The following ZNF644 variants were observed in gnomAD, a reference collection of about 807,000 sequenced individuals.
The protein encoded by ZNF644 is zinc finger motif enhancer binding protein 2.
ZNF644 carries 20 observed loss-of-function variants against 108.0 expected under a neutral mutation model. The observed-to-expected ratio is 0.19, with a 90% CI of 0.13 to 0.27. ZNF644 has a LOEUF of 0.27. Among genes scored for constraint, ZNF644 ranks in the 10% least tolerant of loss-of-function variants. The pLI is 1.00. For synonymous variants in ZNF644, 542 were observed against 539.1 expected (o/e 1.01, Z -0.08); for missense variants, 1,338 against 1,548.9 (o/e 0.86, Z 2.29).
chr1:90,971,956 T>C (rs1382474236), intron 2 of ZNF644, among the ~76,000 whole-genome samples: 2 of 152,094 alleles, frequency 1.3e-5, no homozygotes, highest in Non-Finnish European at 2.9e-5. Context: ...AAGCATACAG[T>C]GTAAAGGCTG....
At chr1:90,987,207 A>G (rs533500693) in intron 1 of ZNF644, among the ~76,000 whole-genome samples, 5 of 150,824 alleles carry the variant, frequency 3.3e-5, no homozygotes, top group African/African-American at 1.2e-4. Context: ...ATAGAACTGA[A>G]GACAAGGAAA....
intron 2 of ZNF644, among the ~76,000 whole-genome samples, chr1:90,949,298 C>G (rs914589382): frequency 9.2e-5 from 14 of 151,832 alleles, no homozygotes; most frequent in Admixed American, 7.9e-4. Flanking sequence ...ACTGAAAGTG[C>G]TACTTCAAAG....
intron 2 of ZNF644, among the ~76,000 whole-genome samples, chr1:90,957,401 C>T (rs1653858397): frequency 6.6e-6 from 1 of 152,082 alleles, no homozygotes; most frequent in African/African-American, 2.4e-5. Flanking sequence ...CAAACTGAAA[C>T]CAACAGCATA....
At position 90,916,917 on chromosome 1, in the gene ZNF644, C is replaced by G; in HGVS notation, c.3865G>C (p.Val1289Leu). 1.2e-6 allele frequency: 2 copies of G among 1,614,150 alleles called. No individual in the cohort carries two copies. The highest frequency in any genetic ancestry group is 1.7e-6 in the Non-Finnish European group (2 of 1,180,032). The change falls in exon 6 of 6, where the codon GTA becomes CTA. Residue 1289 changes from valine (V) to leucine (L), a missense_variant. Around this residue, in one of 6 missense-constraint regions of ZNF644, gnomAD observed 34 missense variants for 78.6 expected, o/e 0.43. Coordinates refer to ENST00000337393, the MANE Select transcript of ZNF644 (RefSeq NM_201269.3). ...DWIKHLQRHI[V>L]NANLPRTGAG... Reference sequence around the variant, plus strand: ...CCAGTCCGTGGAAGATTAGCGTTTACAATATGTCGTTGTAAGTGCTTAATC... The same window carrying G: ...CCAGTCCGTGGAAGATTAGCGTTTAGAATATGTCGTTGTAAGTGCTTAATC...
intron 1 of ZNF644, among the ~76,000 whole-genome samples, chr1:90,999,784 A>C (rs1041156979): frequency 1.3e-5 from 2 of 152,246 alleles, no homozygotes; most frequent in African/African-American, 4.8e-5. Context: ...TGCTGTATTC[A>C]GAAGACCCAT....
At chr1:90,997,880 C>T (rs1019020878) in intron 1 of ZNF644, among the ~76,000 whole-genome samples, 11 of 152,194 alleles carry the variant, frequency 7.2e-5, no homozygotes, top group African/African-American at 2.4e-4. Flanking sequence ...TCTTAGCAAA[C>T]GGCACACCAG....
chr1:91,003,060 G>A (rs1659039517), intron 1 of ZNF644, among the ~76,000 whole-genome samples: 1 of 152,212 alleles, frequency 6.6e-6, no homozygotes, highest in Non-Finnish European at 1.5e-5. Context: ...TGGAGAAATA[G>A]GAATGCTTTT....
chr1:91,006,764 C>A (rs1659457087), intron 1 of ZNF644, among the ~76,000 whole-genome samples: 2 of 151,890 alleles, frequency 1.3e-5, no homozygotes, highest in African/African-American at 4.8e-5. Flanking sequence ...TCTCTTCACT[C>A]TTCTCCTGTA....
chr1:90,930,582 T>C (rs368521198), intron 4 of ZNF644, among the ~76,000 whole-genome samples: 5 of 152,198 alleles, frequency 3.3e-5, no homozygotes, highest in East Asian at 1.9e-4. Context: ...CAATCTATGA[T>C]AGTGACTTCT....
chr1:90,941,910 C>A (rs950638395), intron 2 of ZNF644, among the ~76,000 whole-genome samples: 1 of 152,154 alleles, frequency 6.6e-6, no homozygotes, highest in Admixed American at 6.5e-5. Context: ...TTTTAAAAGA[C>A]TGCTTTGCTC....
At chr1:90,969,914 T>TA (rs776117656) in intron 2 of ZNF644, among the ~76,000 whole-genome samples, 47 of 152,310 alleles carry the variant, frequency 3.1e-4, no homozygotes, top group Non-Finnish European at 4.9e-4. Flanking sequence ...AGCAGACTAA[T>TA]ATGCTCAACT....
chr1:90,957,451 C>T (rs1653866458), intron 2 of ZNF644, among the ~76,000 whole-genome samples: 1 of 152,092 alleles, frequency 6.6e-6, no homozygotes, highest in Non-Finnish European at 1.5e-5. Flanking sequence ...GGATTTACCC[C>T]AGGAATGCCA....
At chr1:91,006,914 T>C (rs939510771) in intron 1 of ZNF644, among the ~76,000 whole-genome samples, 2 of 152,276 alleles carry the variant, frequency 1.3e-5, no homozygotes, top group Middle Eastern at 3.4e-3. Flanking sequence ...TTTAGCCTCC[T>C]CCCACACTTG....
rs758677147 is a variant in ZNF644 at position 90,939,429 on chromosome 1, G to A, written c.1925C>T (p.Thr642Ile). The change falls in exon 3 of 6, where the codon ACA (threonine) becomes ATA (isoleucine). Residue 642 changes from threonine (T) to isoleucine (I), a missense_variant. Thr to Ile is a moderately conservative substitution (Grantham distance 89). This residue lies in a region of ZNF644 where 462 missense variants were observed against 472.6 expected (regional missense o/e 0.98). Coordinates refer to ENST00000337393, the MANE Select transcript of ZNF644 (RefSeq NM_201269.3). ...EEPVDSDSTK[T>I]LTKQQSTTFP... ...TGTGGTTGACTGTTGTTTAGTTAAT[G>A]TTTTAGTGCTATCACTATCTACAGG... 2.5e-6 allele frequency: 4 copies of A among 1,613,870 alleles called. No individual in the cohort carries two copies. In the Admixed American group the frequency reaches 6.7e-5, roughly 27 times the overall value.
intron 2 of ZNF644, among the ~76,000 whole-genome samples, chr1:90,974,898 C>T (rs1655843564): frequency 6.6e-6 from 1 of 152,196 alleles, no homozygotes; most frequent in African/African-American, 2.4e-5. Flanking sequence ...TGAGACTAGC[C>T]ACTCCCCACA....
At chr1:90,922,345 C>A (rs1042693495) in intron 4 of ZNF644, among the ~76,000 whole-genome samples, 1 of 152,104 alleles carries the variant, frequency 6.6e-6, no homozygotes. Context: ...GCACAGTATA[C>A]CCCTACGAGA....
chr1:90,916,614 C>A lies in ZNF644; in HGVS notation c.*184G>T. 1.5e-6 allele frequency: 1 copy of A among 652,476 alleles called. No homozygotes were observed. The highest frequency in any genetic ancestry group is 2.6e-6 in the Non-Finnish European group (1 of 385,956). The allele number at this position is 652,476 out of a possible 1,614,324, so 40.4% of individuals were successfully genotyped here. ...AAACCTTAAAAACACATCTTCCACC[C>A]TATATAAAATATATAGACTACTTAC... On this transcript the variant is annotated 3_prime_UTR_variant, in exon 6 of 6. Coordinates refer to ENST00000337393, the MANE Select transcript of ZNF644 (RefSeq NM_201269.3).
chr1:90,947,870 A>C (rs1357673021), intron 2 of ZNF644, among the ~76,000 whole-genome samples: 1 of 152,182 alleles, frequency 6.6e-6, no homozygotes, highest in Non-Finnish European at 1.5e-5. Context: ...AATCTGACAC[A>C]GTCTATAAAA....
At chr1:90,969,658 A>C (rs986071925) in intron 2 of ZNF644, among the ~76,000 whole-genome samples, 4 of 152,126 alleles carry the variant, frequency 2.6e-5, no homozygotes, top group Non-Finnish European at 5.9e-5. Context: ...TTAGTTATCA[A>C]ATCAACTGTC....
Sources: gnomAD v4.1 joint callset for allele counts (sites outside exome capture counted in the v4.1 genomes callset) on GRCh38, gnomAD v4.1.1 for gene constraint, gnomAD v4.1.1 regional missense constraint, MANE v1.5 for transcripts, NCBI Gene and HGNC (gene_info 2026-07-23, HGNC 2026-07-21) for gene names.